The following PRDM16 variants were observed in gnomAD, a reference collection of about 807,000 sequenced individuals.
PRDM16 encodes histone-lysine N-methyltransferase PRDM16.
In PRDM16, 23 loss-of-function variants were observed where a neutral mutation model predicts 110.6. That is an observed-to-expected ratio of 0.21 (90% CI 0.15 to 0.29). The LOEUF (loss-of-function observed/expected upper bound fraction) is 0.29. Among genes scored for constraint, PRDM16 ranks in the 10% least tolerant of loss-of-function variants. The pLI, the probability that PRDM16 is intolerant of heterozygous loss-of-function variation, is 1.00. For missense variants in PRDM16, 1,615 were observed against 1,794.3 expected (o/e 0.90, Z 1.81); for synonymous variants, 799 against 781.8 (o/e 1.02, Z -0.37).
At chr1:3,335,000 G>T (rs1431774572) in intron 3 of PRDM16, among the ~76,000 whole-genome samples, 1 of 152,208 alleles carries the variant, frequency 6.6e-6, no homozygotes, top group African/African-American at 2.4e-5. Flanking sequence ...TAGGCTCAGA[G>T]CCAGAGTCCC....
At chr1:3,180,710 G>C (rs1300945736) in intron 1 of PRDM16, among the ~76,000 whole-genome samples, 1 of 132,732 alleles carries the variant, frequency 7.5e-6, no homozygotes, top group Non-Finnish European at 1.6e-5. Context: ...CCCAGCAGAC[G>C]GGAGACCCTT....
intron 1 of PRDM16, among the ~76,000 whole-genome samples, chr1:3,181,963 C>CCTTACACATGCAGTCACATG (rs902590702): frequency 2.0e-5 from 3 of 152,100 alleles, no homozygotes; most frequent in East Asian, 3.9e-4. Context: ...CTTACACATG[C>CCTTACACATGCAGTCACATG]CTTACACATG....
chr1:3,196,971 AG>A (rs1168943954), intron 2 of PRDM16, among the ~76,000 whole-genome samples: 2 of 152,292 alleles, frequency 1.3e-5, no homozygotes, highest in South Asian at 2.1e-4. Flanking sequence ...ACTGTTGCCC[AG>A]GGGGGTCTGT....
At chr1:3,422,263 G>T (rs1638459516) in intron 12 of PRDM16, among the ~76,000 whole-genome samples, 1 of 150,700 alleles carries the variant, frequency 6.6e-6, no homozygotes, top group Non-Finnish European at 1.5e-5. Context: ...AGACAGACAG[G>T]CAGGTGGACA....
Position 3,279,574 on chromosome 1 carries a change from GA to G in PRDM16, c.438+35440del, listed in dbSNP as rs1252208204. On this transcript the variant is annotated intron_variant, in intron 3 of 16. Transcript: ENST00000270722. ...CTGGGCTCTCTGTGGATGACAAAAG[GA>G]AAGACTTGAGCAAGAGGCTCTGAGG... 2.6e-5 allele frequency among the ~76,000 whole-genome samples: 4 copies of G among 152,374 alleles called. No individual in the cohort carries two copies. In the South Asian group the frequency reaches 8.3e-4, roughly 32 times the overall value.
chr1:3,337,829 G>T (rs934919823), intron 3 of PRDM16, among the ~76,000 whole-genome samples: 1 of 152,200 alleles, frequency 6.6e-6, no homozygotes, highest in Admixed American at 6.5e-5. Context: ...GAGCATTGGT[G>T]CTGGAACAAA....
At chr1:3,301,101 A>C (rs1173369828) in intron 3 of PRDM16, among the ~76,000 whole-genome samples, 1 of 152,182 alleles carries the variant, frequency 6.6e-6, no homozygotes, top group Non-Finnish European at 1.5e-5. Context: ...GAGGATAAAG[A>C]GGGCAGATTG....
intron 3 of PRDM16, among the ~76,000 whole-genome samples, chr1:3,365,222 C>T (rs1165844340): frequency 2.0e-5 from 3 of 152,154 alleles, no homozygotes; most frequent in East Asian, 1.9e-4. Context: ...TGACCCTGGG[C>T]GCCCTGTGCC....
Position 3,313,362 on chromosome 1 carries a change from C to T in PRDM16, c.438+69225C>T, listed in dbSNP as rs1177350879. On this transcript the variant is annotated intron_variant, in intron 3 of 16. Coordinates refer to ENST00000270722, the MANE Select transcript of PRDM16 (RefSeq NM_022114.4). ...TGAGCTCCCAGACCGGAGGGCGGCA[C>T]TTACCAGAAGCCTGTGTGCTGACCG... 2.6e-5 allele frequency among the ~76,000 whole-genome samples: 4 copies of T among 152,202 alleles called. 1 individual carries two copies. Among genetic ancestry groups the T allele is most frequent in the Non-Finnish European group, 5.9e-5 (4 of 68,040 alleles).
At chr1:3,427,558 C>G (rs1447868306) in intron 14 of PRDM16, among the ~76,000 whole-genome samples, 1 of 152,164 alleles carries the variant, frequency 6.6e-6, no homozygotes, top group Non-Finnish European at 1.5e-5. Flanking sequence ...CTGCGTCTTC[C>G]TGTCATTGCT....
At chr1:3,094,070 G>A (rs1320045249) in intron 1 of PRDM16, among the ~76,000 whole-genome samples, 2 of 152,368 alleles carry the variant, frequency 1.3e-5, no homozygotes, top group East Asian at 1.9e-4. Flanking sequence ...GGAAAGTGGT[G>A]GCTGCAGCCA....
intron 1 of PRDM16, among the ~76,000 whole-genome samples, chr1:3,070,657 CG>C (rs1641731848): frequency 6.6e-6 from 1 of 151,904 alleles, no homozygotes; most frequent in African/African-American, 2.4e-5. Context: ...TCGCAGCTCC[CG>C]GGGCCGAGCC....
intron 2 of PRDM16, among the ~76,000 whole-genome samples, chr1:3,216,114 T>C (rs1180163486): frequency 6.6e-6 from 1 of 152,086 alleles, no homozygotes; most frequent in Non-Finnish European, 1.5e-5. Flanking sequence ...TTGTTTGGGA[T>C]TAATCTTTAC....
chr1:3,098,725 AG>A (rs1258676478), intron 1 of PRDM16, among the ~76,000 whole-genome samples: 8 of 152,312 alleles, frequency 5.3e-5, no homozygotes, highest in African/African-American at 1.7e-4. Context: ...CAAAGGAACA[AG>A]GGGGTTTTCA....
chr1:3,349,325 T>C (rs1299129541), intron 3 of PRDM16, among the ~76,000 whole-genome samples: 1 of 152,140 alleles, frequency 6.6e-6, no homozygotes, highest in Non-Finnish European at 1.5e-5. Flanking sequence ...CTGTGAGTGA[T>C]AAAAGGGGCT....
intron 5 of PRDM16, among the ~76,000 whole-genome samples, chr1:3,398,939 G>A (rs1188693834): frequency 3.9e-5 from 6 of 152,184 alleles, no homozygotes; most frequent in Non-Finnish European, 8.8e-5. Context: ...AGCCCGCTTC[G>A]GGAGAACCGA....
Position 3,358,496 on chromosome 1 carries a change from C to G in PRDM16, c.439-26656C>G, listed in dbSNP as rs1372874397. Among the ~76,000 whole-genome samples, 1 of 152,148 alleles carries G rather than the reference C, an allele frequency of 6.6e-6. No individual in the cohort carries two copies. Among genetic ancestry groups the G allele is most frequent in the Non-Finnish European group, 1.5e-5 (1 of 68,034 alleles). ...CGCCCCAGACTCCCAGCCGCGGCTT[C>G]GGATGCAGCTGGAATAAGGTTCCAG... On this transcript the variant is annotated intron_variant, in intron 3 of 16. Transcript: ENST00000270722. This position sits in a 1 kb window ranked among gnomAD's most constrained non-coding sequence, Gnocchi z 4.0.
In PRDM16 at chr1:3,069,340, G is replaced by A. The variant is rs758382697; in HGVS notation, c.37+44G>A. ...GCCGCGCCGCGCCGCCGGGGCCCGG[G>A]CCGCCGGGCCGGGGCGCCCGGGCCA... On this transcript the variant is annotated intron_variant, in intron 1 of 16. Transcript: ENST00000270722. The surrounding 1 kb of genome is among the most constrained non-coding windows in gnomAD (Gnocchi z 6.1). The A allele has an allele frequency of 1.2e-5, 12 of 1,017,102 alleles. No individual in the cohort carries two copies. Among genetic ancestry groups the A allele is most frequent in the Non-Finnish European group, 1.4e-5 (12 of 840,578 alleles). 63.0% of individuals were successfully genotyped at this position (1,017,102 alleles called of 1,614,324 possible).
At chr1:3,225,402 G>T (rs1639262601) in intron 2 of PRDM16, among the ~76,000 whole-genome samples, 1 of 152,124 alleles carries the variant, frequency 6.6e-6, no homozygotes, top group Admixed American at 6.5e-5. Flanking sequence ...TACCTTTAGT[G>T]CGTGCCTGTG....
Sources: allele counts gnomAD v4.1 joint callset (sites outside exome capture counted in the v4.1 genomes callset), GRCh38; gene constraint gnomAD v4.1.1; non-coding constraint Gnocchi (gnomAD v3.1); transcripts MANE v1.5; gene names NCBI Gene and HGNC (gene_info 2026-07-23, HGNC 2026-07-21).